The following ATG7 variants were observed in gnomAD, a reference collection of about 807,000 sequenced individuals.
The protein encoded by ATG7 is autophagy related 7.
In ATG7, 70 loss-of-function variants were observed where a neutral mutation model predicts 82.4. The observed-to-expected ratio is 0.85, with a 90% CI of 0.70 to 1.04. ATG7 has a LOEUF of 1.04. Among genes scored for constraint, ATG7 ranks in the 50% least tolerant of loss-of-function variants. The pLI is 0.00. For synonymous variants in ATG7, 287 were observed against 313.0 expected (o/e 0.92, Z 0.88); for missense variants, 792 against 864.3 (o/e 0.92, Z 1.05).
chr3:11,522,560 G>T (rs774245067), intron 20 of ATG7, among the ~76,000 whole-genome samples: 4 of 152,164 alleles, frequency 2.6e-5, no homozygotes, highest in East Asian at 1.9e-4. Context: ...AGACACTCCT[G>T]TAAGAAGCTG....
intron 20 of ATG7, among the ~76,000 whole-genome samples, chr3:11,468,914 C>T (rs1168905127): frequency 6.6e-6 from 1 of 152,204 alleles, no homozygotes; most frequent in African/African-American, 2.4e-5. Context: ...CACATTTGCC[C>T]CTCTGGCCCT....
At chr3:11,351,284 CAGG>C (rs2075524442) in intron 14 of ATG7, among the ~76,000 whole-genome samples, 1 of 152,146 alleles carries the variant, frequency 6.6e-6, no homozygotes, top group Middle Eastern at 3.2e-3. Context: ...ATGCAGGAAG[CAGG>C]AGCTCAGTTG....
intron 11 of ATG7, among the ~76,000 whole-genome samples, chr3:11,340,217 G>A (rs1953304462): frequency 6.6e-6 from 1 of 152,174 alleles, no homozygotes. Context: ...AATCCCAATA[G>A]GAACCTCAGT....
chr3:11,490,500 T>G (rs368191937), intron 20 of ATG7, among the ~76,000 whole-genome samples: 13 of 152,318 alleles, frequency 8.5e-5, no homozygotes, highest in Admixed American at 2.6e-4. Context: ...ATGTGTGAAT[T>G]TGATCCTGTC....
intron 18 of ATG7, among the ~76,000 whole-genome samples, chr3:11,375,204 T>C (rs1293131483): frequency 6.6e-6 from 1 of 152,126 alleles, no homozygotes; most frequent in Non-Finnish European, 1.5e-5. Flanking sequence ...CAAGACACTC[T>C]ATCAAAACAA....
At chr3:11,574,763 A>G in the ATG7 span, among the ~76,000 whole-genome samples, 1 of 146,940 alleles carries the variant, frequency 6.8e-6, no homozygotes, top group African/African-American at 2.5e-5. Context: ...AATATGTACA[A>G]TTACTGTCAA....
At chr3:11,307,743 G>T (rs1261290526) in intron 6 of ATG7, among the ~76,000 whole-genome samples, 1 of 152,220 alleles carries the variant, frequency 6.6e-6, no homozygotes, top group Admixed American at 6.5e-5. Context: ...GGTGGGGGCA[G>T]TTTATCCCAA....
chr3:11,545,535 C>T (rs2071205990), intron 20 of ATG7, among the ~76,000 whole-genome samples: 2 of 152,342 alleles, frequency 1.3e-5, no homozygotes, highest in Admixed American at 6.5e-5. Flanking sequence ...AGGCCACCTC[C>T]CTGTCTCTTC....
At chr3:11,514,844 T>G (rs1019447700) in intron 20 of ATG7, among the ~76,000 whole-genome samples, 1 of 151,432 alleles carries the variant, frequency 6.6e-6, no homozygotes, top group African/African-American at 2.4e-5. Context: ...GTCTAGGTTT[T>G]TTTTTTTTTT....
chr3:11,380,365 C>T (rs1164122527), intron 19 of ATG7, among the ~76,000 whole-genome samples: 1 of 152,162 alleles, frequency 6.6e-6, no homozygotes, highest in African/African-American at 2.4e-5. Flanking sequence ...GGGTTCCCTC[C>T]TAGCCAGGAC....
At chr3:11,415,838 AAACAT>A (rs1284061110) in intron 19 of ATG7, among the ~76,000 whole-genome samples, 1 of 152,174 alleles carries the variant, frequency 6.6e-6, no homozygotes, top group African/African-American at 2.4e-5. Flanking sequence ...GTAAATATAT[AAACAT>A]AACATAGTTG....
chr3:11,551,787 C>T (rs2437684), intron 20 of ATG7, among the ~76,000 whole-genome samples: 30,879 of 151,514 alleles, frequency 0.2, 3,411 homozygotes, highest in Middle Eastern at 0.26. Context: ...CTCACCCTGT[C>T]GCCCAGGCTG....
rs186412421 is a variant in ATG7 at position 11,306,990 on chromosome 3, A to T, written c.263A>T (p.Tyr88Phe). ...ARCCPAIGTL[Y>F]NTNTLESFKT... ...TGCTGCCCAGCTATTGGAACACTGT[A>T]TAACACCAACACACTCGAGTCTTTC... Residue 88 changes from tyrosine (Y) to phenylalanine (F), a missense_variant, in exon 6 of 21, where the codon TAT (tyrosine) becomes TTT (phenylalanine). Tyr to Phe is a conservative substitution (Grantham distance 22). Coordinates refer to ENST00000693202, the MANE Select transcript of ATG7 (RefSeq NM_001349232.2). 4 of 1,613,990 alleles carry T rather than the reference A, an allele frequency of 2.5e-6. No homozygotes were observed. The highest frequency in any genetic ancestry group is 1.1e-5 in the South Asian group (1 of 91,088).
chr3:11,420,786 T>G, intron 19 of ATG7, among the ~76,000 whole-genome samples: 1 of 145,724 alleles, frequency 6.9e-6, no homozygotes, highest in African/African-American at 2.6e-5. Context: ...AGACAGAGTC[T>G]CACTTGTTGC....
intron 9 of ATG7, among the ~76,000 whole-genome samples, chr3:11,325,322 T>A (rs1379657576): frequency 6.6e-6 from 1 of 152,188 alleles, no homozygotes; most frequent in Non-Finnish European, 1.5e-5. Flanking sequence ...GCTTTTGTTG[T>A]TACTATTTGT....
At chr3:11,275,413 A>C (rs1406267354) in intron 1 of ATG7, among the ~76,000 whole-genome samples, 2 of 145,952 alleles carry the variant, frequency 1.4e-5, no homozygotes, top group African/African-American at 5.2e-5. Flanking sequence ...CAGTGGCACG[A>C]TCTCGGCTCA....
chr3:11,468,007 T>C (rs1056330445), intron 20 of ATG7, among the ~76,000 whole-genome samples: 7 of 152,212 alleles, frequency 4.6e-5, no homozygotes, highest in Non-Finnish European at 8.8e-5. Flanking sequence ...ATACTGGTGT[T>C]CTTACAGTTG....
At chr3:11,322,173 T>C (rs1445735325) in intron 9 of ATG7, among the ~76,000 whole-genome samples, 2 of 152,248 alleles carry the variant, frequency 1.3e-5, no homozygotes, top group African/African-American at 4.8e-5. Flanking sequence ...TAGTTAAAAA[T>C]ACCTGTTATA....
intron 9 of ATG7, among the ~76,000 whole-genome samples, chr3:11,329,541 A>G (rs1343491728): frequency 6.6e-6 from 1 of 152,118 alleles, no homozygotes; most frequent in East Asian, 1.9e-4. Flanking sequence ...CTACTTTTTT[A>G]TCATACAAAA....
Sources: gnomAD v4.1 joint callset for allele counts (sites outside exome capture counted in the v4.1 genomes callset) on GRCh38, gnomAD v4.1.1 for gene constraint, MANE v1.5 for transcripts, NCBI Gene and HGNC (gene_info 2026-07-23, HGNC 2026-07-21) for gene names.